The following GAD2 variants were observed in gnomAD, a reference collection of about 807,000 sequenced individuals.
GAD2 encodes 65 kDa glutamic acid decarboxylase.
A neutral mutation model predicts 80.1 loss-of-function variants in GAD2; 22 were observed. The observed-to-expected ratio is 0.27, with a 90% confidence interval of 0.20 to 0.39. The LOEUF (loss-of-function observed/expected upper bound fraction) is 0.39, where lower values mean the gene tolerates loss of function less well. GAD2 is among the 10% of genes least tolerant of loss of function. GAD2 has a pLI of 1.00. For missense variants in GAD2, 624 were observed against 738.4 expected (o/e 0.85, Z 1.80); for synonymous variants, 274 against 256.9 (o/e 1.07, Z -0.64).
In GAD2 at chr10:26,269,147, A is replaced by G; in HGVS notation, c.949A>G (p.Arg317Gly). 3 of 1,600,532 alleles carry G rather than the reference A, an allele frequency of 1.9e-6. No individual in the cohort carries two copies. The highest frequency in any genetic ancestry group is 1.7e-6 in the Non-Finnish European group (2 of 1,172,862). Residue 317 changes from arginine (R) to glycine (G), a missense_variant, in exon 9 of 16, where the codon AGA becomes GGA. Transcript: ENST00000376261. ...RGKMIPSDLE[R>G]RILEAKQKGF... The stretch of plus-strand genomic sequence containing the variant: ...GAAAATGATTCCATCTGATCTTGAA[A>G]GAAGGATTCTTGAAGCCAAACAGAA...
At position 26,303,918 on chromosome 10, in the gene GAD2, T is replaced by C; in HGVS notation, c.*2957T>C. 1 of 152,230 alleles carries C rather than the reference T, an allele frequency of 6.6e-6. No homozygotes were observed. The highest frequency in any genetic ancestry group is 1.9e-4 in the East Asian group (1 of 5,198). The allele number at this position is 152,230 out of a possible 1,614,324, so 9.4% of individuals were successfully genotyped here. A position where few individuals can be genotyped will look rare whatever the true frequency, so the allele number is the denominator to read the frequency against. ...GTACAATATATTATTGATATGTCTTTTTCTGTGTGGTAGCTGTATTGAACT... is the reference window on the plus strand; with the variant it reads ...GTACAATATATTATTGATATGTCTTCTTCTGTGTGGTAGCTGTATTGAACT... On this transcript the variant is annotated 3_prime_UTR_variant, in exon 16 of 16. Transcript: ENST00000376261.
At chr10:26,257,990 A>G (rs1844963855) in intron 8 of GAD2, among the ~76,000 whole-genome samples, 1 of 152,108 alleles carries the variant, frequency 6.6e-6, no homozygotes. Flanking sequence ...TGAGTGGCAT[A>G]TTTCCTGTGG....
At chr10:26,293,323 A>G (rs1834239916) in intron 15 of GAD2, among the ~76,000 whole-genome samples, 1 of 151,334 alleles carries the variant, frequency 6.6e-6, no homozygotes, top group Admixed American at 6.6e-5. Context: ...GAATACAGGC[A>G]CTCACCACCA....
chr10:26,292,749 A>C (rs929075176), intron 14 of GAD2, among the ~76,000 whole-genome samples, 153 bp from the exon 15 acceptor site: 2 of 152,262 alleles, frequency 1.3e-5, no homozygotes, highest in African/African-American at 4.8e-5. Flanking sequence ...TGGTCCATAT[A>C]ACGTTGTCAA....
At chr10:26,263,789 GT>G (rs1386192391) in intron 8 of GAD2, among the ~76,000 whole-genome samples, 19 of 152,170 alleles carry the variant, frequency 1.2e-4, no homozygotes, top group Non-Finnish European at 2.5e-4. Context: ...TTAGGGTGAG[GT>G]TACGTGCTTT....
chr10:26,229,334 T>A (rs1443189253), intron 6 of GAD2, among the ~76,000 whole-genome samples: 3 of 151,534 alleles, frequency 2.0e-5, no homozygotes, highest in Non-Finnish European at 2.9e-5. Flanking sequence ...TTTACACACC[T>A]AGTGCAGAAT....
At chr10:26,238,050 G>C (rs1419183107) in intron 7 of GAD2, among the ~76,000 whole-genome samples, 1 of 139,002 alleles carries the variant, frequency 7.2e-6, no homozygotes, top group African/African-American at 2.7e-5. Flanking sequence ...ACACACACAA[G>C]AAAAGAAAGG....
intron 13 of GAD2, among the ~76,000 whole-genome samples, chr10:26,290,894 A>G (rs1179007417): frequency 6.6e-6 from 1 of 151,876 alleles, no homozygotes; most frequent in Non-Finnish European, 1.5e-5. Flanking sequence ...AGGGCACACT[A>G]GAGTTTTCTG....
At chr10:26,290,898 T>C (rs551717523) in intron 13 of GAD2, among the ~76,000 whole-genome samples, 57 of 152,082 alleles carry the variant, frequency 3.7e-4, no homozygotes, top group African/African-American at 1.3e-3. Flanking sequence ...CACACTAGAG[T>C]TTTCTGTGTC....
chr10:26,224,245 G>T (rs1446352925), intron 5 of GAD2, among the ~76,000 whole-genome samples: 1 of 152,054 alleles, frequency 6.6e-6, no homozygotes, highest in Non-Finnish European at 1.5e-5. Context: ...AAAGACAAAT[G>T]GGACCAGATA....
rs569026093 is a variant in GAD2 at position 26,292,949 on chromosome 10, T to C, written c.1542T>C (p.Arg514=). 1 of 1,614,016 alleles carries C rather than the reference T, an allele frequency of 6.2e-7. No individual in the cohort carries two copies. The highest frequency in any genetic ancestry group is 1.7e-5 in the Admixed American group (1 of 60,022). Residue 514 remains arginine (R), a synonymous_variant, in exon 15 of 16, where the codon CGT becomes CGC. Coordinates refer to ENST00000376261, the MANE Select transcript of GAD2 (RefSeq NM_001134366.2). ...TCTGGTACATTCCTCCAAGCTTGCG[T>C]ACTCTGGAAGACAATGAAGAGAGAA... The part of the protein sequence containing the change: ...VCFWYIPPSL[R]TLEDNEERMS...
chr10:26,241,200 G>T (rs1844738008), intron 7 of GAD2, among the ~76,000 whole-genome samples: 1 of 152,016 alleles, frequency 6.6e-6, no homozygotes, highest in Non-Finnish European at 1.5e-5. Flanking sequence ...TATTATCAAG[G>T]CTCTACTGTA....
chr10:26,303,444 A>AAGGGAGGGAGGG lies in GAD2; in HGVS notation c.*2497_*2508dup, dbSNP rs148123865. Reference sequence around the variant, plus strand: ...TCAGGTCAGAAGAGAGTAAGGGAGGAAGGGAGGGAGGGAGGGAGGGAGGGA... The same window carrying AAGGGAGGGAGGG: ...TCAGGTCAGAAGAGAGTAAGGGAGGAAGGGAGGGAGGGAGGGAGGGAGGGAGGGAGGGAGGGA... On this transcript the variant is annotated 3_prime_UTR_variant, in exon 16 of 16. Coordinates refer to ENST00000376261, the MANE Select transcript of GAD2 (RefSeq NM_001134366.2). 1.7e-5 allele frequency: 1 copy of AAGGGAGGGAGGG among 60,014 alleles called. No individual in the cohort carries two copies. Among genetic ancestry groups the AAGGGAGGGAGGG allele is most frequent in the South Asian group, 5.2e-4 (1 of 1,908 alleles). The allele number at this position is 60,014 out of a possible 1,614,324, so 3.7% of individuals were successfully genotyped here.
At chr10:26,288,474 C>G (rs1423529012) in intron 13 of GAD2, among the ~76,000 whole-genome samples, 1 of 152,170 alleles carries the variant, frequency 6.6e-6, no homozygotes. Context: ...TCCCCACCAC[C>G]TAGTGGGAGA....
At chr10:26,243,663 C>G (rs986079476) in intron 7 of GAD2, among the ~76,000 whole-genome samples, 17 of 152,240 alleles carry the variant, frequency 1.1e-4, no homozygotes, top group African/African-American at 3.6e-4. Context: ...GTTCTGTACA[C>G]GCAGACAAGT....
Position 26,301,056 on chromosome 10 carries a change from C to A in GAD2, c.*95C>A, listed in dbSNP as rs1834324913. The A allele has an allele frequency of 4.6e-6, 5 of 1,088,294 alleles. No individual in the cohort carries two copies. In the Admixed American group the frequency reaches 5.9e-5, roughly 13 times the overall value. 67.4% of individuals were successfully genotyped at this position (1,088,294 alleles called of 1,614,324 possible). A position where few individuals can be genotyped will look rare whatever the true frequency, so the allele number is the denominator to read the frequency against. Reference sequence around the variant, plus strand: ...ATTTGTAGTTTGTTCCAAAGTAAATCTATTTCTATATTGTGGTGTCAAAGT... The same window carrying A: ...ATTTGTAGTTTGTTCCAAAGTAAATATATTTCTATATTGTGGTGTCAAAGT... On this transcript the variant is annotated 3_prime_UTR_variant, in exon 16 of 16. Transcript: ENST00000376261.
At chr10:26,246,989 G>T (rs1844817997) in intron 8 of GAD2, among the ~76,000 whole-genome samples, 1 of 152,200 alleles carries the variant, frequency 6.6e-6, no homozygotes, top group Admixed American at 6.5e-5. Context: ...AAGGGGTCCT[G>T]ATCCACATCC....
chr10:26,227,034 C>A (rs1452153721), intron 6 of GAD2, among the ~76,000 whole-genome samples: 1 of 152,178 alleles, frequency 6.6e-6, no homozygotes, highest in Non-Finnish European at 1.5e-5. Flanking sequence ...ACTCTGTCGC[C>A]AAGGCTGGAG....
At chr10:26,223,582 A>G (rs1279247951) in intron 4 of GAD2, among the ~76,000 whole-genome samples, 1 of 152,064 alleles carries the variant, frequency 6.6e-6, no homozygotes, top group African/African-American at 2.4e-5. Flanking sequence ...TGCAAACCAT[A>G]TTTGTTATAT....
Sources: allele counts gnomAD v4.1 joint callset (sites outside exome capture counted in the v4.1 genomes callset), GRCh38; gene constraint gnomAD v4.1.1; transcripts MANE v1.5; gene names NCBI Gene and HGNC (gene_info 2026-07-23, HGNC 2026-07-21).